The following ODAD2 variants were observed in gnomAD, a reference collection of about 807,000 sequenced individuals.
ODAD2 encodes the protein outer dynein arm-docking complex subunit 2.
Under a neutral mutation model 106.8 loss-of-function variants are expected in ODAD2, and 89 were observed. The ratio of observed to expected loss-of-function variants is 0.83; its 90% CI spans 0.70 to 0.99. The LOEUF is 0.99. Among genes scored for constraint, ODAD2 ranks in the 50% least tolerant of loss-of-function variants. The pLI is 0.00. For missense variants in ODAD2, 1,168 were observed against 1,238.5 expected (o/e 0.94, Z 0.85); for synonymous variants, 404 against 436.2 (o/e 0.93, Z 0.92).
At chr10:27,858,775 C>T (rs1002899590) in intron 19 of ODAD2, among the ~76,000 whole-genome samples, 1 of 150,318 alleles carries the variant, frequency 6.7e-6, no homozygotes, top group Non-Finnish European at 1.5e-5. Context: ...TTTATGTCAA[C>T]TGAACCATTA....
chr10:27,991,005 G>A (rs563446613), intron 2 of ODAD2, among the ~76,000 whole-genome samples: 3 of 152,232 alleles, frequency 2.0e-5, no homozygotes, highest in Non-Finnish European at 2.9e-5. Context: ...GATTCTGAGC[G>A]CTTATCCAAT....
intron 17 of ODAD2, among the ~76,000 whole-genome samples, chr10:27,871,382 C>G (rs185004865): frequency 3.9e-5 from 6 of 152,042 alleles, no homozygotes; most frequent in African/African-American, 9.7e-5. Flanking sequence ...TGTCAATTTT[C>G]GCTTTTGTTG....
chr10:27,942,634 A>G (rs1475993721), intron 12 of ODAD2, among the ~76,000 whole-genome samples: 1 of 152,198 alleles, frequency 6.6e-6, no homozygotes, highest in Non-Finnish European at 1.5e-5. Context: ...TCAACCTACC[A>G]AATTGTTTCA....
At chr10:27,909,147 T>C (rs1200801259) in intron 16 of ODAD2, among the ~76,000 whole-genome samples, 2 of 152,182 alleles carry the variant, frequency 1.3e-5, no homozygotes, top group Non-Finnish European at 2.9e-5. Context: ...TCTGAGCCTC[T>C]ATTTTTTTCA....
chr10:27,833,256 T>C (rs1344860960), intron 19 of ODAD2, among the ~76,000 whole-genome samples: 1 of 152,166 alleles, frequency 6.6e-6, no homozygotes, highest in African/African-American at 2.4e-5. Context: ...CTTCTGACAG[T>C]GTGGCCAGTT....
intron 17 of ODAD2, among the ~76,000 whole-genome samples, chr10:27,899,207 A>G (rs4749280): frequency 0.66 from 100,286 of 151,372 alleles, 33,548 homozygotes; most frequent in Middle Eastern, 0.74. Context: ...AGCACAAGGG[A>G]TCAGTGAAAT....
intron 7 of ODAD2, 126 bp downstream of exon 7, chr10:27,981,339 TA>T (rs199591693): frequency 2.3e-4 from 181 of 777,420 alleles, no homozygotes; most frequent in Admixed American, 4.3e-4. Context: ...TGTTATGTTG[TA>T]AAAAAAAACC....
intron 17 of ODAD2, among the ~76,000 whole-genome samples, chr10:27,864,179 T>C (rs1262986431): frequency 1.3e-5 from 2 of 151,286 alleles, no homozygotes; most frequent in African/African-American, 4.9e-5. Flanking sequence ...GAGAAGATTG[T>C]GGATTTGGGA....
At chr10:27,940,244 T>C (rs1564526771) in intron 13 of ODAD2, among the ~76,000 whole-genome samples, 1 of 120,740 alleles carries the variant, frequency 8.3e-6, no homozygotes, top group Non-Finnish European at 1.8e-5. Context: ...GTGTGATATA[T>C]ATATAAATGT....
rs1204431777 is a variant in ODAD2, at chr10:27,869,552, T to G, written c.2611-6930A>C. ...CTTTTTTCTTTTTCTTTTTTTTTTT[T>G]GAGATGGAGTTTCACTCTTTTGCCC... is the stretch of plus-strand genomic sequence containing the variant. On this transcript the variant is annotated intron_variant, in intron 17 of 19. Coordinates refer to ENST00000305242, the MANE Select transcript of ODAD2 (RefSeq NM_018076.5). Among the ~76,000 whole-genome samples the G allele has an allele frequency of 7.3e-5, 10 of 137,422 alleles. No individual in the cohort carries two copies. In the East Asian group the frequency reaches 2.1e-3, roughly 28 times the overall value. 90.2% of individuals were successfully genotyped at this position (137,422 alleles called of 152,430 possible).
intron 13 of ODAD2, 90 bp from the exon 14 acceptor site, chr10:27,940,097 CT>C: frequency 1.2e-6 from 1 of 846,798 alleles, no homozygotes. Context: ...AACAAACTTT[CT>C]TAGGAAATAA....
chr10:27,901,267 A>G (rs1843178790), intron 17 of ODAD2, among the ~76,000 whole-genome samples: 1 of 152,240 alleles, frequency 6.6e-6, no homozygotes, highest in African/African-American at 2.4e-5. Context: ...AAATGCTGTG[A>G]GATTTTGTCA....
chr10:27,857,918 G>A (rs1839773457), intron 19 of ODAD2, among the ~76,000 whole-genome samples: 1 of 152,138 alleles, frequency 6.6e-6, no homozygotes, highest in South Asian at 2.1e-4. Context: ...ACGAGAAGTC[G>A]GCAGCAGGAA....
chr10:27,861,716 G>A (rs929599553), intron 18 of ODAD2, among the ~76,000 whole-genome samples: 16 of 152,150 alleles, frequency 1.1e-4, no homozygotes, highest in African/African-American at 3.1e-4. Flanking sequence ...CTTTGTATAC[G>A]TAATTGCCCT....
chr10:27,889,224 T>C (rs773924194), intron 17 of ODAD2, among the ~76,000 whole-genome samples: 3 of 152,176 alleles, frequency 2.0e-5, no homozygotes, highest in Non-Finnish European at 4.4e-5. Flanking sequence ...GAGATCAAGT[T>C]GGACCCAACC....
At chr10:27,893,650 G>A (rs1842696551) in intron 17 of ODAD2, among the ~76,000 whole-genome samples, 1 of 152,180 alleles carries the variant, frequency 6.6e-6, no homozygotes, top group Non-Finnish European at 1.5e-5. Flanking sequence ...ATGTAGAAAT[G>A]CTTCCGTACA....
chr10:27,866,301 G>A (rs1422117105), intron 17 of ODAD2, among the ~76,000 whole-genome samples: 1 of 152,168 alleles, frequency 6.6e-6, no homozygotes, highest in Non-Finnish European at 1.5e-5. Flanking sequence ...TGACAGAGTG[G>A]CAGAAGCAGG....
In ODAD2 at chr10:27,939,994, G is replaced by A. The variant is rs1221855590; in HGVS notation, c.2000C>T (p.Ala667Val). The A allele has an allele frequency of 6.2e-7, 1 of 1,604,746 alleles. No individual in the cohort carries two copies. Among genetic ancestry groups the A allele is most frequent in the Admixed American group, 1.7e-5 (1 of 58,414 alleles). Residue 667 changes from alanine (A) to valine (V), a missense_variant, in exon 14 of 20, where the codon GCT becomes GTT. Physicochemically the swap from Ala to Val is moderately conservative, Grantham distance 64. This residue lies in a region of ODAD2 where 701 missense variants were observed against 712.3 expected (regional missense o/e 0.98). Transcript: ENST00000305242. Reference protein sequence around the residue: ...QECASEENYRAAIKAERIIEN... With the variant: ...QECASEENYRVAIKAERIIEN... ...AATGATCCTTTCTGCTTTGATTGCA[G>A]CCCGGTAGTTTTCCTAGGAATAAAA...
intron 17 of ODAD2, among the ~76,000 whole-genome samples, chr10:27,882,209 G>GAAAGAAAA (rs1564461435): frequency 2.7e-5 from 4 of 150,858 alleles, no homozygotes; most frequent in South Asian, 2.1e-4. Context: ...AAGAAAGAAA[G>GAAAGAAAA]AAAGAAAGAA....
Sources: allele counts gnomAD v4.1 joint callset (sites outside exome capture counted in the v4.1 genomes callset), GRCh38; gene constraint gnomAD v4.1.1; regional missense constraint gnomAD v4.1.1; transcripts MANE v1.5; gene names NCBI Gene and HGNC (gene_info 2026-07-23, HGNC 2026-07-21).